Variants in SLC39A11 observed in about 807,000 individuals in gnomAD.
SLC39A11 encodes the protein zinc transporter ZIP11.
SLC39A11 carries 33 observed loss-of-function variants against 36.1 expected under a neutral mutation model. The ratio of observed to expected loss-of-function variants is 0.91; its 90% confidence interval spans 0.69 to 1.22. The LOEUF (loss-of-function observed/expected upper bound fraction) is 1.22, where lower values mean the gene tolerates loss of function less well. SLC39A11 is among the 50% of genes most tolerant of loss of function. The pLI, the probability that SLC39A11 is intolerant of heterozygous loss-of-function variation, is 0.00. For synonymous variants in SLC39A11, 166 were observed against 170.3 expected, an observed-to-expected ratio of 0.97 and a Z score of 0.20; for missense variants, 432 against 430.3, an observed-to-expected ratio of 1.00 and a Z score of -0.03.
chr17:72,805,113 C>T (rs987595929), intron 6 of SLC39A11, among the ~76,000 whole-genome samples: 3 of 152,028 alleles, frequency 2.0e-5, no homozygotes, highest in African/African-American at 7.3e-5. Context: ...AAATAAATAC[C>T]AGGTCTGTTC....
intron 6 of SLC39A11, chr17:72,838,235 T>G (rs926881895): frequency 1.6e-4 from 57 of 350,236 alleles, no homozygotes; most frequent in African/African-American, 6.2e-4. Flanking sequence ...CCTTTTCTTT[T>G]TTTTTTTTTT....
At chr17:72,876,009 T>G (rs1271415094) in intron 5 of SLC39A11, among the ~76,000 whole-genome samples, 1 of 152,154 alleles carries the variant, frequency 6.6e-6, no homozygotes, top group African/African-American at 2.4e-5. Flanking sequence ...TAATGCCCCT[T>G]AATCTAAATG....
intron 5 of SLC39A11, among the ~76,000 whole-genome samples, chr17:72,928,423 G>A (rs558301759): frequency 1.3e-5 from 2 of 152,288 alleles, no homozygotes; most frequent in Admixed American, 1.3e-4. Context: ...AAAACAAAGG[G>A]ACCATCAGGA....
At chr17:73,023,461 C>G (rs561186543) in intron 4 of SLC39A11, among the ~76,000 whole-genome samples, 15 of 151,982 alleles carry the variant, frequency 9.9e-5, no homozygotes, top group Non-Finnish European at 1.8e-4. Flanking sequence ...GGTGTCCAAT[C>G]AAAATGGTGC....
At chr17:73,058,504 C>T (rs2059741020) in intron 3 of SLC39A11, among the ~76,000 whole-genome samples, 1 of 152,108 alleles carries the variant, frequency 6.6e-6, no homozygotes, top group Non-Finnish European at 1.5e-5. Flanking sequence ...GGGCAGATCA[C>T]CTGAGGTCAG....
At chr17:72,650,921 C>G (rs533359242) in intron 7 of SLC39A11, among the ~76,000 whole-genome samples, 1 of 152,332 alleles carries the variant, frequency 6.6e-6, no homozygotes, top group South Asian at 2.1e-4. Flanking sequence ...GTTCCAGCCT[C>G]TAACAAAGAA....
intron 4 of SLC39A11, among the ~76,000 whole-genome samples, chr17:72,954,186 C>A (rs2086081594): frequency 6.6e-6 from 1 of 152,164 alleles, no homozygotes; most frequent in Admixed American, 6.5e-5. Context: ...GCTGGGATTA[C>A]AGGTGCCCGC....
chr17:72,788,829 G>C (rs2076602198), intron 6 of SLC39A11, among the ~76,000 whole-genome samples: 1 of 152,222 alleles, frequency 6.6e-6, no homozygotes, highest in Non-Finnish European at 1.5e-5. Context: ...GGTCAGTGGA[G>C]AGTATGAGGC....
intron 6 of SLC39A11, among the ~76,000 whole-genome samples, chr17:72,762,849 C>T (rs147123790): frequency 6.6e-6 from 1 of 152,174 alleles, no homozygotes; most frequent in Non-Finnish European, 1.5e-5. Context: ...AATGCCCAGG[C>T]GGTTCCACTC....
chr17:73,083,335 A>G (rs2060611755), intron 3 of SLC39A11, among the ~76,000 whole-genome samples: 1 of 152,186 alleles, frequency 6.6e-6, no homozygotes, highest in South Asian at 2.1e-4. Context: ...ATGGCTCAGA[A>G]AGGACAGTGT....
At position 72,724,256 on chromosome 17, in the gene SLC39A11, A is replaced by G. The variant is rs191546514; in HGVS notation, c.671+12394T>C. Among the ~76,000 whole-genome samples the G allele has an allele frequency of 3.4e-3, 519 of 152,308 alleles. 2 individuals carry two copies. Among genetic ancestry groups the G allele is most frequent in the African/African-American group, 0.011 (455 of 41,578 alleles). ...ACAAGGACTCTGGAGATGAGGCCCA[A>G]GATGATTCATTTCTCCCTGTTCGCT... On this transcript the variant is annotated intron_variant, in intron 7 of 9. Coordinates refer to ENST00000255559, the MANE Select transcript of SLC39A11 (RefSeq NM_139177.4).
At chr17:72,909,885 C>T (rs12949898) in intron 5 of SLC39A11, among the ~76,000 whole-genome samples, 2 of 151,078 alleles carry the variant, frequency 1.3e-5, no homozygotes, top group Non-Finnish European at 3.0e-5. Flanking sequence ...AGCTGGGACT[C>T]CAGGCGCCCG....
chr17:72,783,017 A>AAG (rs1030162867), intron 6 of SLC39A11, among the ~76,000 whole-genome samples: 13 of 151,478 alleles, frequency 8.6e-5, no homozygotes, highest in Non-Finnish European at 1.5e-4. Context: ...AAAAAAAAAA[A>AAG]AAAAAGAAAA....
chr17:72,739,804 C>G (rs2074594958), intron 6 of SLC39A11, among the ~76,000 whole-genome samples: 1 of 152,140 alleles, frequency 6.6e-6, no homozygotes, highest in East Asian at 1.9e-4. Flanking sequence ...TTTTTATTTA[C>G]AGTGGACCCT....
At chr17:72,959,109 G>T (rs1395821695) in intron 4 of SLC39A11, among the ~76,000 whole-genome samples, 1 of 151,644 alleles carries the variant, frequency 6.6e-6, no homozygotes, top group East Asian at 1.9e-4. Flanking sequence ...ATAGTGTGGG[G>T]ATTCCTTAAA....
chr17:73,082,937 A>G (rs1360742311), intron 3 of SLC39A11, among the ~76,000 whole-genome samples: 1 of 143,602 alleles, frequency 7.0e-6, no homozygotes, highest in Non-Finnish European at 1.5e-5. Flanking sequence ...AATTGTTTGA[A>G]CTCGGGAGGC....
At chr17:72,874,745 A>G (rs1189699595) in intron 5 of SLC39A11, among the ~76,000 whole-genome samples, 2 of 152,204 alleles carry the variant, frequency 1.3e-5, no homozygotes, top group African/African-American at 4.8e-5. Context: ...AGTGGTAGCA[A>G]TGTTGGGTTT....
intron 4 of SLC39A11, among the ~76,000 whole-genome samples, chr17:72,964,402 T>C (rs911976639): frequency 1.6e-4 from 25 of 152,240 alleles, no homozygotes; most frequent in Non-Finnish European, 2.4e-4. Flanking sequence ...TGTAAGCTGA[T>C]GGCCTCCAGG....
At chr17:72,968,553 G>A (rs2087191048) in intron 4 of SLC39A11, among the ~76,000 whole-genome samples, 1 of 152,204 alleles carries the variant, frequency 6.6e-6, no homozygotes, top group Admixed American at 6.5e-5. Context: ...CTAGCCTGAT[G>A]TGCAGGTGGT....
Sources: allele counts gnomAD v4.1 joint callset (sites outside exome capture counted in the v4.1 genomes callset), GRCh38; gene constraint gnomAD v4.1.1; transcripts MANE v1.5; gene names NCBI Gene and HGNC (gene_info 2026-07-23, HGNC 2026-07-21).